TBC1D32: variants seen among roughly 807,000 people sequenced by gnomAD.
TBC1D32 encodes the protein TBC1 domain family member 32.
In TBC1D32, 151 loss-of-function variants were observed where a neutral mutation model predicts 170.3. The ratio of observed to expected loss-of-function variants is 0.89; its 90% CI spans 0.78 to 1.01. The LOEUF (loss-of-function observed/expected upper bound fraction) is 1.01. Among genes scored for constraint, TBC1D32 ranks in the 50% least tolerant of loss-of-function variants. TBC1D32 has a pLI of 0.00. For synonymous variants in TBC1D32, 498 were observed against 488.0 expected, an observed-to-expected ratio of 1.02 and a Z score of -0.27; for missense variants, 1,464 against 1,457.1, an observed-to-expected ratio of 1.00 and a Z score of -0.08.
intron 30 of TBC1D32, among the ~76,000 whole-genome samples, chr6:121,099,979 T>C (rs959962913): frequency 1.1e-4 from 16 of 151,932 alleles, no homozygotes; most frequent in African/African-American, 3.1e-4. Flanking sequence ...GGTTTTCCCA[T>C]AGTCTTTGTT....
intron 22 of TBC1D32, 51 bp downstream of exon 22, chr6:121,205,023 AT>A (rs149551088): frequency 0.021 from 23,440 of 1,108,370 alleles, 939 homozygotes; most frequent in East Asian, 0.15. Flanking sequence ...ACAAATGCTT[AT>A]TTTTTGTGGA....
chr6:121,145,028 A>G (rs2128228490), intron 24 of TBC1D32, among the ~76,000 whole-genome samples: 1 of 152,280 alleles, frequency 6.6e-6, no homozygotes, highest in African/African-American at 2.4e-5. Flanking sequence ...CCGGTGGAGT[A>G]TTAGGGTGAA....
intron 24 of TBC1D32, among the ~76,000 whole-genome samples, chr6:121,145,755 A>T (rs1030659712): frequency 1.3e-5 from 2 of 152,200 alleles, no homozygotes; most frequent in Non-Finnish European, 2.9e-5. Flanking sequence ...TTAATTTTTA[A>T]AATTGCAGTG....
At chr6:121,190,805 A>G (rs1789902415) in intron 22 of TBC1D32, among the ~76,000 whole-genome samples, 1 of 152,274 alleles carries the variant, frequency 6.6e-6, no homozygotes, top group South Asian at 2.1e-4. Flanking sequence ...GATTCTATGA[A>G]GTTTAGTGTT....
intron 31 of TBC1D32, among the ~76,000 whole-genome samples, chr6:121,086,986 T>C (rs1380260256): frequency 6.6e-6 from 1 of 152,226 alleles, no homozygotes; most frequent in Non-Finnish European, 1.5e-5. Flanking sequence ...CCATCATCTG[T>C]CACAGATAAA....
At chr6:121,289,577 G>A in intron 12 of TBC1D32, among the ~76,000 whole-genome samples, 1 of 152,158 alleles carries the variant, frequency 6.6e-6, no homozygotes. Flanking sequence ...TACTGCCCAA[G>A]GCAATTTATA....
At chr6:121,217,634 G>T (rs909295944) in intron 21 of TBC1D32, among the ~76,000 whole-genome samples, 13 of 152,040 alleles carry the variant, frequency 8.6e-5, no homozygotes, top group Non-Finnish European at 1.3e-4. Context: ...CAGACACTGG[G>T]GCCTATTAGA....
At chr6:121,280,827 G>A (rs184024571) in intron 14 of TBC1D32, among the ~76,000 whole-genome samples, 2 of 151,862 alleles carry the variant, frequency 1.3e-5, no homozygotes, top group African/African-American at 4.8e-5. Flanking sequence ...ATAAGAGGAA[G>A]ATGAAAACAG....
chr6:121,196,380 C>G lies in TBC1D32; in HGVS notation c.2570+8695G>C, dbSNP rs992517543. On this transcript the variant is annotated intron_variant, in intron 22 of 31. Transcript: ENST00000398212. ...CAACACTGAGTCCTTGATATGGCAC[C>G]GTTCCTTGGAGTGATCAGCCAGCTA... Among the ~76,000 whole-genome samples, 9 of 152,298 alleles carry G rather than the reference C, an allele frequency of 5.9e-5. No homozygotes were observed. The East Asian group carries it at 1.7e-3, about 29-fold the overall frequency.
chr6:121,221,533 G>A (rs74487608), intron 21 of TBC1D32, among the ~76,000 whole-genome samples: 3,677 of 152,312 alleles, frequency 0.024, 166 homozygotes, highest in East Asian at 0.12. Flanking sequence ...TCACCATTAA[G>A]ATGCCACATC....
chr6:121,240,357 A>ATTTTTTT (rs35946120), intron 19 of TBC1D32, among the ~76,000 whole-genome samples: 19,122 of 74,668 alleles, frequency 0.26, 4,118 homozygotes, highest in Non-Finnish European at 0.37. Context: ...GTTTAGGACA[A>ATTTTTTT]TTTTTTTTTT....
intron 2 of TBC1D32, among the ~76,000 whole-genome samples, chr6:121,318,726 T>C (rs1809269735): frequency 7.0e-6 from 1 of 142,154 alleles, no homozygotes; most frequent in Non-Finnish European, 1.5e-5. Context: ...TGTTTATGTG[T>C]ATATATATAT....
chr6:121,129,642 A>G (rs930543403), intron 25 of TBC1D32, among the ~76,000 whole-genome samples: 1 of 152,238 alleles, frequency 6.6e-6, no homozygotes, highest in Non-Finnish European at 1.5e-5. Context: ...ATAATTGTCC[A>G]GTTGCTAAAT....
chr6:121,212,329 T>G (rs941733065), intron 21 of TBC1D32, among the ~76,000 whole-genome samples: 1 of 152,066 alleles, frequency 6.6e-6, no homozygotes, highest in East Asian at 1.9e-4. Flanking sequence ...AATAAAATTA[T>G]TCCAAAAAAC....
At chr6:121,261,114 C>T (rs541971419) in intron 15 of TBC1D32, among the ~76,000 whole-genome samples, 11 of 152,306 alleles carry the variant, frequency 7.2e-5, no homozygotes, top group South Asian at 6.2e-4. Flanking sequence ...CAGCCAGTGG[C>T]TCAGGGACAG....
chr6:121,279,381 G>T (rs1802677844), intron 14 of TBC1D32, 136 bp from the exon 15 acceptor site: 1 of 1,042,864 alleles, frequency 9.6e-7, no homozygotes, highest in Non-Finnish European at 1.4e-6. Flanking sequence ...GATTTGTTTG[G>T]CTGTGAAATA....
At position 121,321,650 on chromosome 6, in the gene TBC1D32, T is replaced by G; in HGVS notation, c.300A>C (p.Arg100Ser). The change falls in exon 2 of 32, where the codon AGA (arginine) becomes AGC (serine). Residue 100 changes from arginine to serine, a missense_variant. Physicochemically the swap from Arg to Ser is moderately radical, Grantham distance 110. Around this residue, in one of 3 missense-constraint regions of TBC1D32, gnomAD observed 1,363 missense variants for 1,338.1 expected, o/e 1.02. Transcript: ENST00000398212. ...ATACTCACTCTTTAGATTCTTGAGT[T>G]CTTTTAGTGACCTGCTGTACAACTG... is the stretch of plus-strand genomic sequence containing the variant. The part of the protein sequence containing the change: ...YDTVVQQVTK[R>S]TQESKEYKEM... 6.2e-7 allele frequency: 1 copy of G among 1,612,970 alleles called. No individual in the cohort carries two copies. The highest frequency in any genetic ancestry group is 8.5e-7 in the Non-Finnish European group (1 of 1,179,666).
chr6:121,285,741 T>G (rs990669036), intron 12 of TBC1D32, among the ~76,000 whole-genome samples: 1 of 152,086 alleles, frequency 6.6e-6, no homozygotes, highest in Non-Finnish European at 1.5e-5. Context: ...CACCCCCCAG[T>G]AGGGGCAGAC....
At chr6:121,310,233 AAG>A (rs973990142) in intron 4 of TBC1D32, among the ~76,000 whole-genome samples, 2 of 152,060 alleles carry the variant, frequency 1.3e-5, no homozygotes, top group Non-Finnish European at 2.9e-5. Context: ...GAAAACTGCT[AAG>A]AGAGTAGATT....
Sources: gnomAD v4.1 joint callset for allele counts (sites outside exome capture counted in the v4.1 genomes callset) on GRCh38, gnomAD v4.1.1 for gene constraint, gnomAD v4.1.1 regional missense constraint, MANE v1.5 for transcripts, NCBI Gene and HGNC (gene_info 2026-07-23, HGNC 2026-07-21) for gene names.